VPS8: variants seen among roughly 807,000 people sequenced by gnomAD.
VPS8 encodes the protein VPS8 subunit of CORVET complex.
In VPS8, 129 loss-of-function variants were observed where a neutral mutation model predicts 216.4. That is an observed-to-expected ratio of 0.60 (90% CI 0.52 to 0.69). The LOEUF (loss-of-function observed/expected upper bound fraction) is 0.69, where lower values mean the gene tolerates loss of function less well. Among genes scored for constraint, VPS8 ranks in the 30% least tolerant of loss-of-function variants. VPS8 has a pLI of 0.00. For missense variants in VPS8, 1,531 were observed against 1,683.5 expected, an observed-to-expected ratio of 0.91 and a Z score of 1.59; for synonymous variants, 571 against 565.4, an observed-to-expected ratio of 1.01 and a Z score of -0.14.
At chr3:185,039,196 A>G (rs1321112282) in intron 46 of VPS8, among the ~76,000 whole-genome samples, 2 of 151,910 alleles carry the variant, frequency 1.3e-5, no homozygotes, top group Admixed American at 6.6e-5. Flanking sequence ...TGTAGGGAGG[A>G]TAGTTTCTTC....
chr3:184,995,667 G>A lies in VPS8; in HGVS notation c.3667-665G>A, dbSNP rs181131001. Among the ~76,000 whole-genome samples the A allele has an allele frequency of 1.4e-4, 21 of 152,274 alleles. No individual in the cohort carries two copies. In the South Asian group the frequency reaches 1.5e-3, roughly 11 times the overall value. On this transcript the variant is annotated intron_variant, in intron 43 of 47. Transcript: ENST00000625842. ...GATGATATATATGAATGTTAAGAAT[G>A]AGATACAGTACAAAAACAATACTAT...
rs137998744 is a variant in VPS8, at chr3:184,955,694, C to T, written c.3036-1680C>T. The stretch of plus-strand genomic sequence containing the variant: ...AAGCCCCGTAGGACTGGACCCTACA[C>T]GTTTTCCTCTGTTTGAAGGCAGTCC... On this transcript the variant is annotated intron_variant, in intron 36 of 47. Coordinates refer to ENST00000625842, the MANE Select transcript of VPS8 (RefSeq NM_001009921.3). 1.2e-4 allele frequency among the ~76,000 whole-genome samples: 19 copies of T among 152,196 alleles called. No individual in the cohort carries two copies. In the East Asian group the frequency reaches 1.7e-3, roughly 14 times the overall value.
chr3:184,993,464 G>A (rs1020254187), intron 42 of VPS8, among the ~76,000 whole-genome samples: 1 of 151,904 alleles, frequency 6.6e-6, no homozygotes, highest in African/African-American at 2.4e-5. Flanking sequence ...TGGGTATCTA[G>A]GTATCTTTTG....
rs147952322 is a variant in VPS8, at chr3:184,918,597, C to T, written c.2383-1530C>T. On this transcript the variant is annotated intron_variant, in intron 28 of 47. Coordinates refer to ENST00000625842, the MANE Select transcript of VPS8 (RefSeq NM_001009921.3). ...TAATTATGTTCACAGAATCAAACTA[C>T]CAATATCTGTTTCAAAGGAGTGACT... Among the ~76,000 whole-genome samples, 279 of 152,268 alleles carry T rather than the reference C, an allele frequency of 1.8e-3. 1 individual carries two copies. Among genetic ancestry groups the T allele is most frequent in the African/African-American group, 6.0e-3 (248 of 41,550 alleles).
At chr3:184,883,064 T>C (rs1730553957) in intron 21 of VPS8, among the ~76,000 whole-genome samples, 1 of 152,186 alleles carries the variant, frequency 6.6e-6, no homozygotes, top group Non-Finnish European at 1.5e-5. Flanking sequence ...TTCTCAATTC[T>C]GTATTAAATA....
intron 25 of VPS8, among the ~76,000 whole-genome samples, chr3:184,911,586 T>C (rs1351820760): frequency 6.6e-6 from 1 of 152,190 alleles, no homozygotes. Flanking sequence ...AATTATGCAT[T>C]TGTCTCATGC....
intron 39 of VPS8, among the ~76,000 whole-genome samples, chr3:184,968,701 C>T (rs1747827420): frequency 6.6e-6 from 1 of 152,122 alleles, no homozygotes; most frequent in Admixed American, 6.5e-5. Context: ...GTCCTTTACC[C>T]ATTTTTTAAT....
intron 17 of VPS8, 123 bp downstream of exon 17, chr3:184,867,073 C>A: frequency 1.2e-6 from 1 of 807,230 alleles, no homozygotes; most frequent in Non-Finnish European, 1.9e-6. Context: ...TATCCTAAAC[C>A]CTTTGTGGTT....
At chr3:184,819,997 T>G (rs898183364) in intron 1 of VPS8, among the ~76,000 whole-genome samples, 1 of 152,020 alleles carries the variant, frequency 6.6e-6, no homozygotes, top group East Asian at 1.9e-4. Flanking sequence ...TTGAGTAGGC[T>G]GAGGAGGAGG....
At chr3:184,993,385 T>C (rs865878017) in intron 42 of VPS8, among the ~76,000 whole-genome samples, 69 of 151,998 alleles carry the variant, frequency 4.5e-4, no homozygotes, top group African/African-American at 1.6e-3. Flanking sequence ...TACACTTCAG[T>C]GTTTCCAAAA....
At chr3:184,872,432 A>C (rs1436615761) in intron 21 of VPS8, among the ~76,000 whole-genome samples, 1 of 152,070 alleles carries the variant, frequency 6.6e-6, no homozygotes, top group Non-Finnish European at 1.5e-5. Context: ...GTGGTTTCTG[A>C]TGCATTCCTG....
At chr3:184,958,097 C>T (rs751080857) in intron 37 of VPS8, among the ~76,000 whole-genome samples, 12 of 152,122 alleles carry the variant, frequency 7.9e-5, no homozygotes, top group Non-Finnish European at 1.8e-4. Context: ...TGAAACTTTA[C>T]TTTTAGAAAG....
At chr3:184,893,155 G>A in intron 22 of VPS8, 2 of 706,238 alleles carry the variant, frequency 2.8e-6, no homozygotes, top group Non-Finnish European at 3.6e-6. Context: ...CTAGAATGTT[G>A]CAAATGCTGT....
In VPS8 at chr3:184,859,977, A is replaced by G; in HGVS notation, c.1144-8A>G. On this transcript the variant is annotated splice_region_variant and splice_polypyrimidine_tract_variant and intron_variant, in intron 14 of 47. Coordinates refer to ENST00000625842, the MANE Select transcript of VPS8 (RefSeq NM_001009921.3). Reference sequence around the variant, plus strand: ...CTGGTTTTTAGGTTGTTTTTATTTCATCATCAGGTAAAGAGAGATGAATCT... The same window carrying G: ...CTGGTTTTTAGGTTGTTTTTATTTCGTCATCAGGTAAAGAGAGATGAATCT... 1.9e-6 allele frequency: 3 copies of G among 1,609,754 alleles called. No homozygotes were observed. The highest frequency in any genetic ancestry group is 2.5e-6 in the Non-Finnish European group (3 of 1,177,624).
chr3:184,826,310 C>A (rs1718764138), intron 3 of VPS8, 79 bp downstream of exon 3: 2 of 1,101,622 alleles, frequency 1.8e-6, no homozygotes, highest in Non-Finnish European at 2.6e-6. Context: ...ATCATACATG[C>A]ACCTAGATGC....
chr3:184,987,105 C>A (rs1751215660), intron 42 of VPS8, among the ~76,000 whole-genome samples: 1 of 151,874 alleles, frequency 6.6e-6, no homozygotes, highest in Admixed American at 6.6e-5. Flanking sequence ...AATCCCCTGG[C>A]AACCACTAAT....
chr3:185,029,569 T>TC (rs1438226681), intron 46 of VPS8, among the ~76,000 whole-genome samples: 2 of 145,634 alleles, frequency 1.4e-5, no homozygotes, highest in African/African-American at 4.9e-5. Context: ...ACATGTATCT[T>TC]TTTTTTTTTT....
intron 46 of VPS8, among the ~76,000 whole-genome samples, chr3:185,027,478 G>A (rs1477616181): frequency 1.3e-5 from 2 of 151,814 alleles, no homozygotes; most frequent in Admixed American, 6.6e-5. Flanking sequence ...TCCTGACCTC[G>A]TGATCCGCCT....
intron 36 of VPS8, among the ~76,000 whole-genome samples, chr3:184,943,763 G>A (rs185509055): frequency 6.6e-6 from 1 of 152,282 alleles, no homozygotes; most frequent in East Asian, 1.9e-4. Flanking sequence ...TGAGTTAATA[G>A]GATTCTCATT....
Sources: gnomAD v4.1 joint callset for allele counts (sites outside exome capture counted in the v4.1 genomes callset) on GRCh38, gnomAD v4.1.1 for gene constraint, MANE v1.5 for transcripts, NCBI Gene and HGNC (gene_info 2026-07-23, HGNC 2026-07-21) for gene names.